GALNT13: variants seen among roughly 807,000 people sequenced by gnomAD.
GALNT13 encodes the protein UDP-GalNAc:polypeptide N-acetylgalactosaminyltransferase 13.
In GALNT13, 28 loss-of-function variants were observed where a neutral mutation model predicts 64.2. That is an observed-to-expected ratio of 0.44 (90% confidence interval 0.32 to 0.60). GALNT13 has a LOEUF of 0.60. Ranked by LOEUF, GALNT13 falls within the 20% of genes least tolerant of loss-of-function variation. The probability of loss-of-function intolerance (pLI) is 0.05; values close to 1 mark genes in which losing one functional copy is unlikely to be tolerated. For synonymous variants in GALNT13, 214 were observed against 224.6 expected (o/e 0.95, Z 0.42); for missense variants, 577 against 669.8 (o/e 0.86, Z 1.53).
chr2:153,873,243 A>G (rs1278978053), intron 1 of GALNT13, among the ~76,000 whole-genome samples: 2 of 152,134 alleles, frequency 1.3e-5, no homozygotes, highest in Non-Finnish European at 2.9e-5. Context: ...GCCCTTGTCC[A>G]GGCTGTCGTG....
chr2:153,317,798 T>C, the GALNT13 span, among the ~76,000 whole-genome samples: 1 of 152,186 alleles, frequency 6.6e-6, no homozygotes, highest in African/African-American at 2.4e-5. Flanking sequence ...AATATCAGAA[T>C]ATAAAATATG....
At chr2:153,615,151 T>C in the GALNT13 span, among the ~76,000 whole-genome samples, 1 of 152,110 alleles carries the variant, frequency 6.6e-6, no homozygotes, top group African/African-American at 2.4e-5. Flanking sequence ...TGTGCTTGTC[T>C]TATTTGACTT....
intron 7 of GALNT13, among the ~76,000 whole-genome samples, chr2:154,249,813 C>T (rs1201478653): frequency 6.6e-6 from 1 of 152,040 alleles, no homozygotes; most frequent in Non-Finnish European, 1.5e-5. Flanking sequence ...ACCTATTTTA[C>T]CTAATTTTAT....
At chr2:153,474,125 A>G in the GALNT13 span, among the ~76,000 whole-genome samples, 1 of 152,048 alleles carries the variant, frequency 6.6e-6, no homozygotes. Context: ...TTTGTGAGAA[A>G]AACATCTACA....
At chr2:153,535,556 G>C in the GALNT13 span, among the ~76,000 whole-genome samples, 2 of 151,382 alleles carry the variant, frequency 1.3e-5, no homozygotes, top group Admixed American at 6.6e-5. Flanking sequence ...AGTTGGTCTG[G>C]TGTCTGGAAT....
the GALNT13 span, among the ~76,000 whole-genome samples, chr2:153,239,511 C>T: frequency 6.6e-6 from 1 of 151,984 alleles, no homozygotes; most frequent in South Asian, 2.1e-4. Context: ...TCTTTCTATT[C>T]TTTGTATTTT....
the GALNT13 span, among the ~76,000 whole-genome samples, chr2:153,452,693 T>C: frequency 6.6e-6 from 1 of 152,076 alleles, no homozygotes; most frequent in African/African-American, 2.4e-5. Context: ...AAGATGTTCA[T>C]ACTGCCCCAA....
the GALNT13 span, among the ~76,000 whole-genome samples, chr2:153,367,227 G>A: frequency 1.3e-5 from 2 of 152,064 alleles, no homozygotes; most frequent in African/African-American, 4.8e-5. Context: ...TGCATTGCAT[G>A]TTTATATCAT....
chr2:153,901,424 T>G (rs1369389457), intron 2 of GALNT13, among the ~76,000 whole-genome samples: 1 of 152,214 alleles, frequency 6.6e-6, no homozygotes, highest in Non-Finnish European at 1.5e-5. Flanking sequence ...TCATGACCAT[T>G]TTATCAATCT....
At chr2:153,386,314 T>G in the GALNT13 span, among the ~76,000 whole-genome samples, 1 of 152,032 alleles carries the variant, frequency 6.6e-6, no homozygotes, top group Non-Finnish European at 1.5e-5. Flanking sequence ...TTAAAAGGAA[T>G]GAGCAATTTT....
chr2:153,347,550 A>T, the GALNT13 span, among the ~76,000 whole-genome samples: 1 of 152,354 alleles, frequency 6.6e-6, no homozygotes, highest in South Asian at 2.1e-4. Flanking sequence ...GAAATTACAT[A>T]AAGCCATATA....
At chr2:154,345,746 GATAACTC>G (rs1414544945) in intron 9 of GALNT13, among the ~76,000 whole-genome samples, 1 of 151,976 alleles carries the variant, frequency 6.6e-6, no homozygotes, top group Non-Finnish European at 1.5e-5. Context: ...GATCCTTGGA[GATAACTC>G]ATAACTATAG....
At chr2:153,606,780 C>T in the GALNT13 span, among the ~76,000 whole-genome samples, 1 of 151,868 alleles carries the variant, frequency 6.6e-6, no homozygotes, top group Non-Finnish European at 1.5e-5. Flanking sequence ...TGCTTGCCTC[C>T]GTTGTCTCTC....
At chr2:153,095,010 A>C in the GALNT13 span, among the ~76,000 whole-genome samples, 1 of 152,184 alleles carries the variant, frequency 6.6e-6, no homozygotes, top group Non-Finnish European at 1.5e-5. Context: ...ACCAAAAGCA[A>C]TGGCAACAAA....
chr2:154,235,642 CA>C (rs1171070141), intron 4 of GALNT13, among the ~76,000 whole-genome samples: 1 of 152,142 alleles, frequency 6.6e-6, no homozygotes, highest in Non-Finnish European at 1.5e-5. Context: ...TAGTAAAAGG[CA>C]ACCACTGGCT....
At chr2:153,599,570 T>G in the GALNT13 span, among the ~76,000 whole-genome samples, 1 of 151,930 alleles carries the variant, frequency 6.6e-6, no homozygotes, top group South Asian at 2.1e-4. Context: ...GGCTGGGATT[T>G]GAACCCAAGG....
At chr2:153,950,117 C>T (rs1019762017) in intron 3 of GALNT13, among the ~76,000 whole-genome samples, 1 of 151,942 alleles carries the variant, frequency 6.6e-6, no homozygotes, top group Non-Finnish European at 1.5e-5. Context: ...TTAGTTCATT[C>T]AAATGTACCT....
chr2:153,859,446 C>A, the GALNT13 span, among the ~76,000 whole-genome samples: 3 of 152,088 alleles, frequency 2.0e-5, no homozygotes, highest in African/African-American at 7.2e-5. Context: ...AATCTCAAAC[C>A]AGGGTCTGGC....
Position 154,047,458 on chromosome 2 carries a change from A to G in GALNT13, c.143-92879A>G, listed in dbSNP as rs866692674. On this transcript the variant is annotated intron_variant, in intron 3 of 12. Coordinates refer to ENST00000392825, the MANE Select transcript of GALNT13 (RefSeq NM_052917.4). The stretch of plus-strand genomic sequence containing the variant: ...GTATATGGTCTGGAGTTAATGTGCT[A>G]TGGTTTAAATCCTGGCTCAGCCTCT... Among the ~76,000 whole-genome samples, 3 of 152,272 alleles carry G rather than the reference A, an allele frequency of 2.0e-5. 1 individual carries two copies.
Sources: allele counts gnomAD v4.1 joint callset (sites outside exome capture counted in the v4.1 genomes callset), GRCh38; gene constraint gnomAD v4.1.1; transcripts MANE v1.5; gene names NCBI Gene and HGNC (gene_info 2026-07-23, HGNC 2026-07-21).